ZNF678: variants seen among roughly 807,000 people sequenced by gnomAD.
The protein encoded by ZNF678 is hypothetical protein MGC42493.
A neutral mutation model predicts 3.0 loss-of-function variants in ZNF678; 5 were observed. The observed-to-expected ratio is 1.69, with a 90% confidence interval of 0.88 to 3.56. The LOEUF (loss-of-function observed/expected upper bound fraction) is 3.56. Ranked by LOEUF, ZNF678 falls within the 30% of genes most tolerant of loss-of-function variation. The pLI, the probability that ZNF678 is intolerant of heterozygous loss-of-function variation, is 0.00. For missense variants in ZNF678, 593 were observed against 605.0 expected (o/e 0.98, Z 0.21); for synonymous variants, 218 against 199.6 (o/e 1.09, Z -0.78).
intron 1 of ZNF678, among the ~76,000 whole-genome samples, chr1:227,641,655 T>A (rs543163300): frequency 2.8e-4 from 42 of 152,182 alleles, no homozygotes; most frequent in African/African-American, 9.4e-4. Context: ...GGGCGTCCAG[T>A]CACATCTCAC....
rs376489764 is a variant in ZNF678, at chr1:227,655,004, C to T, written c.754C>T (p.Leu252Phe). The part of the protein sequence containing the change: ...CCKAFNKFSN[L>F]TQHKRIHTGE... ...CAAAGCCTTTAACAAGTTCTCAAACCTTACTCAACATAAGAGAATTCATAC... is the reference window on the plus strand; with the variant it reads ...CAAAGCCTTTAACAAGTTCTCAAACTTTACTCAACATAAGAGAATTCATAC... Residue 252 changes from leucine to phenylalanine, a missense_variant, in exon 4 of 4, where the codon CTT (leucine) becomes TTT (phenylalanine). By Grantham distance (22) the Leu-to-Phe change is conservative (BLOSUM62 0). Transcript: ENST00000343776. 5.1e-5 allele frequency: 83 copies of T among 1,611,760 alleles called. No individual in the cohort carries two copies. Among genetic ancestry groups the T allele is most frequent in the Non-Finnish European group, 6.9e-5 (81 of 1,179,314 alleles).
chr1:227,631,640 A>AT (rs1658549225), intron 1 of ZNF678, among the ~76,000 whole-genome samples: 1 of 152,186 alleles, frequency 6.6e-6, no homozygotes, highest in Non-Finnish European at 1.5e-5. Context: ...GTTGCCCCAG[A>AT]TTAAGTCCTT....
At chr1:227,640,837 G>C (rs547067126) in intron 1 of ZNF678, among the ~76,000 whole-genome samples, 1 of 152,266 alleles carries the variant, frequency 6.6e-6, no homozygotes, top group African/African-American at 2.4e-5. Flanking sequence ...GGAGAACAGG[G>C]AAAAGGAGAC....
intron 1 of ZNF678, among the ~76,000 whole-genome samples, chr1:227,610,249 A>G (rs1390401): frequency 0.24 from 35,752 of 152,106 alleles, 5,112 homozygotes; most frequent in African/African-American, 0.4. Flanking sequence ...CCCTATCATC[A>G]CTAAGTTAGT....
rs1659160286 is a variant in ZNF678, at chr1:227,654,362, C to G, written c.112C>G (p.Leu38Val). 1 of 1,568,784 alleles carries G rather than the reference C, an allele frequency of 6.4e-7. No homozygotes were observed. Among genetic ancestry groups the G allele is most frequent in the Non-Finnish European group, 8.6e-7 (1 of 1,161,788 alleles). The change falls in exon 4 of 4, where the codon CTT becomes GTT. Residue 38 changes from leucine to valine, a missense_variant. Physicochemically the swap from Leu to Val is conservative, Grantham distance 32. Coordinates refer to ENST00000343776, the MANE Select transcript of ZNF678 (RefSeq NM_001367909.1). Reference protein sequence around the residue: ...TAILSYSIQDLLPEQDMKDLC... With the variant: ...TAILSYSIQDVLPEQDMKDLC... The stretch of plus-strand genomic sequence containing the variant: ...TATTTTATCTTATTCCATTCAAGAC[C>G]TTTTGCCAGAGCAGGATATGAAAGA...
intron 1 of ZNF678, among the ~76,000 whole-genome samples, chr1:227,639,152 C>CA (rs2102789252): frequency 6.6e-6 from 1 of 152,272 alleles, no homozygotes; most frequent in African/African-American, 2.4e-5. Flanking sequence ...GGGTCCTCTG[C>CA]AGAGGGGCAC....
chr1:227,652,037 A>T (rs970433234), intron 3 of ZNF678, among the ~76,000 whole-genome samples: 1 of 152,130 alleles, frequency 6.6e-6, no homozygotes, highest in African/African-American at 2.4e-5. Flanking sequence ...TTTGTGTGGA[A>T]TTTTTTAATA....
chr1:227,632,204 G>T (rs1375505347), intron 1 of ZNF678, among the ~76,000 whole-genome samples: 1 of 151,944 alleles, frequency 6.6e-6, no homozygotes, highest in Non-Finnish European at 1.5e-5. Context: ...GACTCCCTGG[G>T]TTCATAGCCT....
intron 1 of ZNF678, among the ~76,000 whole-genome samples, chr1:227,566,310 C>A (rs760864460): frequency 1.7e-4 from 26 of 152,224 alleles, no homozygotes; most frequent in Non-Finnish European, 3.4e-4. Context: ...CCCCAACCCC[C>A]AATTTCATTG....
chr1:227,580,362 T>C (rs927230390), intron 1 of ZNF678, among the ~76,000 whole-genome samples: 1 of 152,170 alleles, frequency 6.6e-6, no homozygotes, highest in Non-Finnish European at 1.5e-5. Flanking sequence ...CTTTCATTAG[T>C]CATACTTTCA....
At chr1:227,581,765 T>A (rs990821024) in intron 1 of ZNF678, among the ~76,000 whole-genome samples, 1 of 152,244 alleles carries the variant, frequency 6.6e-6, no homozygotes, top group Non-Finnish European at 1.5e-5. Context: ...CATTGCTGTA[T>A]GCTAGAGACC....
Position 227,572,661 on chromosome 1 carries a change from T to C in ZNF678, c.-164+8937T>C, listed in dbSNP as rs193075594. Among the ~76,000 whole-genome samples the C allele has an allele frequency of 7.5e-4, 114 of 152,240 alleles. 1 individual carries two copies. Among genetic ancestry groups the C allele is most frequent in the Non-Finnish European group, 1.5e-3 (99 of 67,984 alleles). Reference sequence around the variant, plus strand: ...GCCTTATGTAAATAGAGAGCTCAGCTAAGGCCTAAAGTTGTAAAGGGGCCT... The same window carrying C: ...GCCTTATGTAAATAGAGAGCTCAGCCAAGGCCTAAAGTTGTAAAGGGGCCT... On this transcript the variant is annotated intron_variant, in intron 1 of 3. Coordinates refer to ENST00000343776, the MANE Select transcript of ZNF678 (RefSeq NM_001367909.1).
chr1:227,660,211 A>G lies in ZNF678; in HGVS notation c.*4383A>G, dbSNP rs1346799191. ...AGTATATTTGACTGTCAAGTAGTGC[A>G]GTGCTTCCAACCTTCAGAGTCTTTT... On this transcript the variant is annotated 3_prime_UTR_variant, in exon 4 of 4. Transcript: ENST00000343776. 6.6e-6 allele frequency: 1 copy of G among 151,152 alleles called. No individual in the cohort carries two copies. Among genetic ancestry groups the G allele is most frequent in the Non-Finnish European group, 1.5e-5 (1 of 67,904 alleles). The allele number at this position is 151,152 out of a possible 1,614,324, so 9.4% of individuals were successfully genotyped here.
chr1:227,652,771 T>C (rs1025834460), intron 3 of ZNF678, among the ~76,000 whole-genome samples: 1 of 152,148 alleles, frequency 6.6e-6, no homozygotes, highest in Non-Finnish European at 1.5e-5. Context: ...TTTCAAATTG[T>C]AGAGCATAAG....
intron 1 of ZNF678, among the ~76,000 whole-genome samples, chr1:227,601,670 T>A (rs1657742739): frequency 6.6e-6 from 1 of 152,176 alleles, no homozygotes; most frequent in African/African-American, 2.4e-5. Flanking sequence ...GTTCAAGCGA[T>A]TCTCCTGCCT....
At chr1:227,620,924 G>T (rs1301568756) in intron 1 of ZNF678, among the ~76,000 whole-genome samples, 1 of 152,062 alleles carries the variant, frequency 6.6e-6, no homozygotes, top group Non-Finnish European at 1.5e-5. Flanking sequence ...GTCCTTTTGG[G>T]TCTGATCATT....
intron 3 of ZNF678, among the ~76,000 whole-genome samples, chr1:227,651,395 T>C (rs778464336): frequency 4.6e-5 from 7 of 152,264 alleles, no homozygotes; most frequent in Admixed American, 2.0e-4. Flanking sequence ...GTCCACAGAA[T>C]GTAGCTTAAA....
chr1:227,575,823 G>A (rs918208869), intron 1 of ZNF678, among the ~76,000 whole-genome samples: 1 of 152,128 alleles, frequency 6.6e-6, no homozygotes, highest in African/African-American at 2.4e-5. Flanking sequence ...TCTTGTGCCA[G>A]TTTTCAAGGG....
chr1:227,577,511 A>G (rs888594142), intron 1 of ZNF678, among the ~76,000 whole-genome samples: 7 of 151,732 alleles, frequency 4.6e-5, no homozygotes, highest in African/African-American at 1.7e-4. Context: ...GTCTTTTTTG[A>G]TCTTTGTTGG....
Sources: allele counts gnomAD v4.1 joint callset (sites outside exome capture counted in the v4.1 genomes callset), GRCh38; gene constraint gnomAD v4.1.1; transcripts MANE v1.5; gene names NCBI Gene and HGNC (gene_info 2026-07-23, HGNC 2026-07-21).